Variants in CSMD2 observed in about 807,000 individuals in gnomAD.
CSMD2 encodes CUB and Sushi multiple domains 2.
A neutral mutation model predicts 398.5 loss-of-function variants in CSMD2; 130 were observed. The ratio of observed to expected loss-of-function variants is 0.33; its 90% CI spans 0.28 to 0.38. The LOEUF (loss-of-function observed/expected upper bound fraction) is 0.38, where lower values mean the gene tolerates loss of function less well. Ranked by LOEUF, CSMD2 falls within the 10% of genes least tolerant of loss-of-function variation. The probability of loss-of-function intolerance (pLI) is 1.00; values close to 1 mark genes in which losing one functional copy is unlikely to be tolerated. For missense variants in CSMD2, 3,829 were observed against 4,764.9 expected (o/e 0.80, Z 5.78); for synonymous variants, 1,828 against 1,908.5 (o/e 0.96, Z 1.10).
chr1:33,742,968 T>C (rs994648143), intron 14 of CSMD2, among the ~76,000 whole-genome samples: 6 of 152,112 alleles, frequency 3.9e-5, no homozygotes, highest in African/African-American at 1.4e-4. Context: ...CTAGTTCTGG[T>C]TGGGTCTTGT....
intron 5 of CSMD2, among the ~76,000 whole-genome samples, chr1:33,910,055 T>C (rs1001750887): frequency 1.1e-4 from 17 of 152,194 alleles, no homozygotes; most frequent in Admixed American, 5.2e-4. Context: ...CCTTCATAGC[T>C]GCCTCAGTTC....
intron 3 of CSMD2, among the ~76,000 whole-genome samples, chr1:34,029,171 G>A (rs1339171419): frequency 6.6e-6 from 1 of 152,132 alleles, no homozygotes; most frequent in Non-Finnish European, 1.5e-5. Context: ...GCTGGAAGTG[G>A]GGGCCTCTTC....
At chr1:33,620,829 T>G (rs1393182645) in intron 37 of CSMD2, among the ~76,000 whole-genome samples, 2 of 150,064 alleles carry the variant, frequency 1.3e-5, no homozygotes, top group African/African-American at 4.9e-5. Flanking sequence ...TTTTTTTTTT[T>G]TCCAGGTGCA....
In CSMD2 at chr1:34,164,177, C is replaced by A. The variant is rs1253501889; in HGVS notation, c.187+734G>T. On this transcript the variant is annotated intron_variant, in intron 1 of 70. Transcript: ENST00000373381. This position sits in a 1 kb window ranked among gnomAD's most constrained non-coding sequence, Gnocchi z 6.2. ...AATGTGGCAGCGCGAAGCCTGGCGG[C>A]GGCACTCCCTCCCCCGCCTCGGGCT... Among the ~76,000 whole-genome samples the A allele has an allele frequency of 6.6e-6, 1 of 152,004 alleles. No homozygotes were observed. The highest frequency in any genetic ancestry group is 1.5e-5 in the Non-Finnish European group (1 of 67,976).
intron 1 of CSMD2, among the ~76,000 whole-genome samples, chr1:34,132,249 G>C (rs765068659): frequency 2.6e-5 from 4 of 151,892 alleles, no homozygotes; most frequent in African/African-American, 7.3e-5. Context: ...ACCTCGTCCT[G>C]CTGACCCTTA....
intron 16 of CSMD2, among the ~76,000 whole-genome samples, chr1:33,726,224 CAG>C (rs1339833043): frequency 2.0e-5 from 3 of 152,240 alleles, no homozygotes; most frequent in Non-Finnish European, 4.4e-5. Flanking sequence ...CGTCAGATAC[CAG>C]AGTCATGCTT....
In CSMD2 at chr1:33,699,051, G is replaced by A. The variant is rs964385524; in HGVS notation, c.3734-107C>T. On this transcript the variant is annotated intron_variant, in intron 23 of 70. Coordinates refer to ENST00000373381, the MANE Select transcript of CSMD2 (RefSeq NM_001281956.2). ...CCTCAAGGAAGCTGTCTCAGCCACG[G>A]ACCCTGGGTTCTGATGGATTCACCA... is the stretch of plus-strand genomic sequence containing the variant. The A allele has an allele frequency of 4.4e-6, 4 of 906,752 alleles. No homozygotes were observed. In the African/African-American group the frequency reaches 6.7e-5, roughly 15 times the overall value. 56.2% of individuals were successfully genotyped at this position (906,752 alleles called of 1,614,324 possible). A position where few individuals can be genotyped will look rare whatever the true frequency, so the allele number is the denominator to read the frequency against.
At chr1:34,113,537 T>C (rs1028542456) in intron 1 of CSMD2, among the ~76,000 whole-genome samples, 1 of 152,142 alleles carries the variant, frequency 6.6e-6, no homozygotes, top group Non-Finnish European at 1.5e-5. Context: ...TTTATAATTG[T>C]AAATCCCTGG....
intron 44 of CSMD2, 114 bp downstream of exon 44, chr1:33,600,751 A>C: frequency 9.9e-7 from 1 of 1,011,358 alleles, no homozygotes; most frequent in Non-Finnish European, 1.5e-6. Flanking sequence ...AGGCTCCAAG[A>C]GGTTATACAA....
At chr1:33,879,184 C>T (rs1641058259) in intron 5 of CSMD2, among the ~76,000 whole-genome samples, 1 of 152,162 alleles carries the variant, frequency 6.6e-6, no homozygotes, top group African/African-American at 2.4e-5. Flanking sequence ...TTGTCTCCAG[C>T]AGGAAATTCA....
At chr1:33,923,069 C>A (rs1644002588) in intron 4 of CSMD2, among the ~76,000 whole-genome samples, 1 of 152,066 alleles carries the variant, frequency 6.6e-6, no homozygotes, top group Non-Finnish European at 1.5e-5. Context: ...AGAACTTTAT[C>A]TTGGAGCACT....
chr1:33,696,714 T>C (rs753981201), intron 24 of CSMD2, among the ~76,000 whole-genome samples: 41 of 152,188 alleles, frequency 2.7e-4, no homozygotes, highest in Non-Finnish European at 4.6e-4. Flanking sequence ...CATGGACAAC[T>C]AGATACCTTA....
intron 12 of CSMD2, among the ~76,000 whole-genome samples, chr1:33,776,859 T>A (rs1049553784): frequency 6.7e-6 from 1 of 149,182 alleles, no homozygotes; most frequent in African/African-American, 2.5e-5. Flanking sequence ...TGGGCAGGAG[T>A]AAAGGGAGTG....
intron 1 of CSMD2, among the ~76,000 whole-genome samples, chr1:34,113,452 G>C (rs1661297291): frequency 6.6e-6 from 1 of 152,232 alleles, no homozygotes; most frequent in African/African-American, 2.4e-5. Context: ...GCACATGGGT[G>C]AACAAAGCAA....
intron 19 of CSMD2, among the ~76,000 whole-genome samples, chr1:33,720,179 A>G (rs1321093980): frequency 6.6e-6 from 1 of 152,214 alleles, no homozygotes; most frequent in Non-Finnish European, 1.5e-5. Flanking sequence ...GTTCAATTTG[A>G]TTCATATCAC....
At chr1:33,880,266 C>T (rs137930110) in intron 5 of CSMD2, among the ~76,000 whole-genome samples, 1 of 152,330 alleles carries the variant, frequency 6.6e-6, no homozygotes, top group African/African-American at 2.4e-5. Context: ...TGCCAACTTA[C>T]TGCTTCTCTC....
intron 62 of CSMD2, 152 bp from the exon 63 acceptor site, chr1:33,534,059 C>T: frequency 1.7e-6 from 1 of 594,782 alleles, no homozygotes; most frequent in South Asian, 2.0e-5. Flanking sequence ...TTTTCTTCTT[C>T]CTTTGAGGCA....
intron 7 of CSMD2, among the ~76,000 whole-genome samples, chr1:33,823,082 G>A (rs141418686): frequency 3.9e-5 from 6 of 152,248 alleles, no homozygotes; most frequent in Non-Finnish European, 5.9e-5. Context: ...CCATCAGGAC[G>A]GGGCTGGACT....
intron 27 of CSMD2, among the ~76,000 whole-genome samples, chr1:33,654,712 T>C (rs1007477588): frequency 8.5e-5 from 13 of 152,196 alleles, no homozygotes; most frequent in Non-Finnish European, 1.6e-4. Context: ...ATGTGGCCAG[T>C]GAGAGTGGAA....
Sources: gnomAD v4.1 joint callset for allele counts (sites outside exome capture counted in the v4.1 genomes callset) on GRCh38, gnomAD v4.1.1 for gene constraint, Gnocchi (gnomAD v3.1) non-coding constraint, MANE v1.5 for transcripts, NCBI Gene and HGNC (gene_info 2026-07-23, HGNC 2026-07-21) for gene names.